EPS15L1: variants seen among roughly 807,000 people sequenced by gnomAD.
EPS15L1 encodes epidermal growth factor receptor pathway substrate 15 like 1, also known as epidermal growth factor receptor substrate 15-like 1.
EPS15L1 carries 43 observed loss-of-function variants against 117.1 expected under a neutral mutation model. The observed-to-expected ratio is 0.37, with a 90% CI of 0.29 to 0.47. The LOEUF (loss-of-function observed/expected upper bound fraction) is 0.47, where lower values mean the gene tolerates loss of function less well. Among genes scored for constraint, EPS15L1 ranks in the 20% least tolerant of loss-of-function variants. The pLI, the probability that EPS15L1 is intolerant of heterozygous loss-of-function variation, is 0.99. For synonymous variants in EPS15L1, 459 were observed against 470.5 expected (o/e 0.98, Z 0.32); for missense variants, 981 against 1,164.0 (o/e 0.84, Z 2.29).
intron 16 of EPS15L1, among the ~76,000 whole-genome samples, chr19:16,398,069 G>T (rs2092559055): frequency 2.0e-5 from 3 of 152,156 alleles, no homozygotes; most frequent in East Asian, 1.9e-4. Context: ...GACATCAAAG[G>T]TCCAAAAGAA....
intron 1 of EPS15L1, among the ~76,000 whole-genome samples, chr19:16,443,924 T>C (rs1298879623): frequency 6.8e-6 from 1 of 146,964 alleles, no homozygotes; most frequent in African/African-American, 2.5e-5. Flanking sequence ...ATTAGTCAGG[T>C]GTGGTGGTGT....
In EPS15L1 at chr19:16,355,439, G is replaced by A. The variant is rs2091968133; in HGVS notation, c.*266C>T. Reference sequence around the variant, plus strand: ...GACCGCTGTGTGTTCGTCCCCAGAGGAAGAGCGGGAGGCAGTCAGCCCCGG... The same window carrying A: ...GACCGCTGTGTGTTCGTCCCCAGAGAAAGAGCGGGAGGCAGTCAGCCCCGG... On this transcript the variant is annotated 3_prime_UTR_variant, in exon 24 of 24. Coordinates refer to ENST00000455140, the MANE Select transcript of EPS15L1 (RefSeq NM_001258374.3). 1 of 437,690 alleles carries A rather than the reference G, an allele frequency of 2.3e-6. No individual in the cohort carries two copies. The highest frequency in any genetic ancestry group is 3.7e-5 in the Admixed American group (1 of 27,104). 27.1% of individuals were successfully genotyped at this position (437,690 alleles called of 1,614,324 possible). A position where few individuals can be genotyped will look rare whatever the true frequency, so the allele number is the denominator to read the frequency against.
chr19:16,406,276 A>C (rs2092655471), intron 13 of EPS15L1, among the ~76,000 whole-genome samples: 1 of 151,842 alleles, frequency 6.6e-6, no homozygotes, highest in Non-Finnish European at 1.5e-5. Flanking sequence ...CTGGCCTTTC[A>C]CTTGAGGGCT....
chr19:16,413,516 C>G (rs1386270721), intron 13 of EPS15L1: 4 of 720,018 alleles, frequency 5.6e-6, no homozygotes, highest in Non-Finnish European at 7.1e-6. Flanking sequence ...ACCACCTTGT[C>G]AAGACCTACA....
intron 12 of EPS15L1, among the ~76,000 whole-genome samples, chr19:16,415,734 T>C (rs545936497): frequency 1.3e-5 from 2 of 152,236 alleles, no homozygotes; most frequent in East Asian, 1.9e-4. Flanking sequence ...CACCTCCACA[T>C]TGGGGAAACA....
chr19:16,456,956 A>T (rs36719), intron 1 of EPS15L1, among the ~76,000 whole-genome samples: 1 of 151,822 alleles, frequency 6.6e-6, no homozygotes, highest in South Asian at 2.1e-4. Flanking sequence ...CAAGCAGAAC[A>T]TGGGGAGGGG....
intron 16 of EPS15L1, among the ~76,000 whole-genome samples, chr19:16,398,019 C>T (rs1020785944): frequency 4.6e-5 from 7 of 152,228 alleles, no homozygotes; most frequent in East Asian, 1.9e-4. Context: ...ATTAAAAAGC[C>T]GGGGCGTCCA....
intron 10 of EPS15L1, among the ~76,000 whole-genome samples, 182 bp from the exon 11 acceptor site, chr19:16,418,286 G>A (rs926389667): frequency 2.6e-5 from 4 of 152,084 alleles, no homozygotes; most frequent in Non-Finnish European, 5.9e-5. Flanking sequence ...GGGGTTCCCC[G>A]CTCCCAGTGT....
Position 16,381,426 on chromosome 19 carries a change from G to A in EPS15L1, c.2247+3703C>T, listed in dbSNP as rs1224012931. 6.6e-6 allele frequency among the ~76,000 whole-genome samples: 1 copy of A among 152,240 alleles called. No individual in the cohort carries two copies. Among genetic ancestry groups the A allele is most frequent in the East Asian group, 1.9e-4 (1 of 5,202 alleles). On this transcript the variant is annotated intron_variant, in intron 21 of 23. Transcript: ENST00000455140. The surrounding 1 kb of genome is among the most constrained non-coding windows in gnomAD (Gnocchi z 4.2). ...GTCCTGGGCAGACTGTCCTGCCCAG[G>A]CTGGAACCCCAACCCTGCCACCTAC...
At chr19:16,427,456 T>C (rs2092883134) in intron 8 of EPS15L1, among the ~76,000 whole-genome samples, 2 of 152,244 alleles carry the variant, frequency 1.3e-5, no homozygotes, top group African/African-American at 4.8e-5. Context: ...TCAATGAGCA[T>C]TTCCTTTGAG....
At chr19:16,420,841 G>C (rs1305102041) in intron 10 of EPS15L1, among the ~76,000 whole-genome samples, 1 of 152,214 alleles carries the variant, frequency 6.6e-6, no homozygotes, top group African/African-American at 2.4e-5. Context: ...CTGAGGCACT[G>C]ACAGGGTCTC....
intron 1 of EPS15L1, among the ~76,000 whole-genome samples, chr19:16,453,886 T>TA (rs11289907): frequency 0.045 from 6,179 of 136,606 alleles, 173 homozygotes; most frequent in Admixed American, 0.089. Flanking sequence ...AGAATTCCTA[T>TA]AAAAAAAAAA....
At chr19:16,413,064 T>C in intron 13 of EPS15L1, 1 of 708,178 alleles carries the variant, frequency 1.4e-6, no homozygotes, top group Non-Finnish European at 2.5e-6. Flanking sequence ...GTGCACCAGG[T>C]TCAAGGCGTT....
intron 18 of EPS15L1, among the ~76,000 whole-genome samples, chr19:16,393,219 G>C (rs73509177): frequency 6.6e-6 from 1 of 151,768 alleles, no homozygotes; most frequent in African/African-American, 2.4e-5. Context: ...TTGGGATGGG[G>C]TCTCCTTTTG....
chr19:16,459,213 C>A (rs76619090), intron 1 of EPS15L1, among the ~76,000 whole-genome samples: 1 of 152,204 alleles, frequency 6.6e-6, no homozygotes, highest in East Asian at 1.9e-4. Flanking sequence ...ATGCTTGGGG[C>A]CGCTGCCTGC....
intron 20 of EPS15L1, 143 bp downstream of exon 20, chr19:16,386,028 G>A: frequency 1.5e-6 from 1 of 667,258 alleles, no homozygotes; most frequent in East Asian, 2.8e-5. Flanking sequence ...GGCCTAATGG[G>A]CTCAGGCCAG....
At position 16,403,814 on chromosome 19, in the gene EPS15L1, C is replaced by T. The variant is rs745494969; in HGVS notation, c.1545G>A (p.Leu515=). Residue 515 remains leucine (L), a synonymous_variant, in exon 15 of 24, where the codon CTG becomes CTA. Coordinates refer to ENST00000455140, the MANE Select transcript of EPS15L1 (RefSeq NM_001258374.3). ...CTCGCCCAGCCTGAATGCTCTGCTC[C>T]AGCTGGGTTTCCTCCTGCTGCAATC... ...LNRLQQEETQ[L]EQSIQAGRVQ... 6.2e-7 allele frequency: 1 copy of T among 1,614,136 alleles called. No homozygotes were observed. Among genetic ancestry groups the T allele is most frequent in the East Asian group, 2.2e-5 (1 of 44,880 alleles).
At position 16,361,883 on chromosome 19, in the gene EPS15L1, T is replaced by C. The variant is rs370996327; in HGVS notation, c.2482A>G (p.Lys828Glu). 44 of 1,614,058 alleles carry C rather than the reference T, an allele frequency of 2.7e-5. No individual in the cohort carries two copies. The highest frequency in any genetic ancestry group is 3.1e-5 in the Non-Finnish European group (36 of 1,180,038). The change falls in exon 23 of 24, where the codon AAA becomes GAA. Residue 828 changes from lysine to glutamate, a missense_variant. This residue lies in a region of EPS15L1 where 819 missense variants were observed against 949.0 expected (regional missense o/e 0.86). Transcript: ENST00000455140. The part of the protein sequence containing the change: ...GADSGDPFQS[K>E]KGFGDPFSGK... ...CTAAACGGGTCCCCAAACCCCTTTT[T>C]ACTTTGGAACGGGTCGCCGCTGTCA...
intron 1 of EPS15L1, among the ~76,000 whole-genome samples, chr19:16,466,070 C>T (rs2145202823): frequency 6.6e-6 from 1 of 151,072 alleles, no homozygotes; most frequent in Admixed American, 6.6e-5. Flanking sequence ...CTCACTGCAA[C>T]CTCCACCTCT....
Sources: gnomAD v4.1 joint callset for allele counts (sites outside exome capture counted in the v4.1 genomes callset) on GRCh38, gnomAD v4.1.1 for gene constraint, gnomAD v4.1.1 regional missense constraint, Gnocchi (gnomAD v3.1) non-coding constraint, MANE v1.5 for transcripts, NCBI Gene and HGNC (gene_info 2026-07-23, HGNC 2026-07-21) for gene names.